The following PDE4B variants were observed in gnomAD, a reference collection of about 807,000 sequenced individuals.
PDE4B encodes phosphodiesterase 4B, also known as 3',5'-cyclic-AMP phosphodiesterase 4B.
In PDE4B, 20 loss-of-function variants were observed where a neutral mutation model predicts 82.2. That is an observed-to-expected ratio of 0.24 (90% confidence interval 0.17 to 0.35). The LOEUF (loss-of-function observed/expected upper bound fraction) is 0.35, where lower values mean the gene tolerates loss of function less well. Ranked by LOEUF, PDE4B falls within the 10% of genes least tolerant of loss-of-function variation. The pLI is 1.00. For synonymous variants in PDE4B, 320 were observed against 318.9 expected (o/e 1.00, Z -0.04); for missense variants, 655 against 907.2 (o/e 0.72, Z 3.57).
chr1:66,372,295 C>A lies in PDE4B; in HGVS notation c.1846-18C>A. ...AGCACCATCACAATAACAGATGTGT[C>A]ATCTTATTTTTCTCCAGGTTGGTTT... On this transcript the variant is annotated intron_variant, in intron 16 of 16. Coordinates refer to ENST00000341517, the MANE Select transcript of PDE4B (RefSeq NM_002600.4). The A allele has an allele frequency of 6.3e-7, 1 of 1,585,488 alleles. No homozygotes were observed. Among genetic ancestry groups the A allele is most frequent in the South Asian group, 1.1e-5 (1 of 87,944 alleles).
At chr1:65,886,938 A>G (rs1355462637) in intron 1 of PDE4B, among the ~76,000 whole-genome samples, 1 of 152,138 alleles carries the variant, frequency 6.6e-6, no homozygotes, top group Admixed American at 6.6e-5. Flanking sequence ...TTAGTTGAGA[A>G]ATCTTCATAC....
chr1:65,853,164 T>G (rs1037692377), intron 1 of PDE4B, among the ~76,000 whole-genome samples: 2 of 152,112 alleles, frequency 1.3e-5, no homozygotes, highest in Non-Finnish European at 2.9e-5. Context: ...CATTCCTTGT[T>G]TCGAAGTCTA....
chr1:65,872,304 A>G (rs1474916354), intron 1 of PDE4B, among the ~76,000 whole-genome samples: 1 of 152,172 alleles, frequency 6.6e-6, no homozygotes, highest in Non-Finnish European at 1.5e-5. Context: ...TTATTGAATA[A>G]TTGTTAATAA....
At chr1:66,154,951 G>A (rs1462424159) in intron 3 of PDE4B, among the ~76,000 whole-genome samples, 1 of 152,110 alleles carries the variant, frequency 6.6e-6, no homozygotes, top group African/African-American at 2.4e-5. Context: ...GCTGAGGCGC[G>A]AGGAATGCTT....
chr1:66,256,823 A>G (rs1395315182), intron 4 of PDE4B, among the ~76,000 whole-genome samples: 1 of 152,204 alleles, frequency 6.6e-6, no homozygotes, highest in African/African-American at 2.4e-5. Context: ...CTGTGCTGCT[A>G]TGATGATTCA....
intron 1 of PDE4B, among the ~76,000 whole-genome samples, chr1:65,822,400 T>C (rs760399254): frequency 6.6e-6 from 1 of 152,206 alleles, no homozygotes; most frequent in Non-Finnish European, 1.5e-5. Flanking sequence ...ATTTTCAACT[T>C]TGCAAAATGA....
At chr1:66,221,678 T>C (rs776473586) in intron 3 of PDE4B, among the ~76,000 whole-genome samples, 15 of 152,180 alleles carry the variant, frequency 9.9e-5, no homozygotes, top group Non-Finnish European at 1.9e-4. Flanking sequence ...TTTGCTTTCT[T>C]TCCTATTCTT....
chr1:66,117,680 C>A (rs899591928), intron 3 of PDE4B, among the ~76,000 whole-genome samples: 9 of 152,032 alleles, frequency 5.9e-5, no homozygotes, highest in African/African-American at 2.2e-4. Context: ...GAGGTAGTTT[C>A]TGGGATCCTG....
chr1:65,973,270 C>G (rs1449746786), intron 3 of PDE4B, among the ~76,000 whole-genome samples: 1 of 151,792 alleles, frequency 6.6e-6, no homozygotes, highest in Non-Finnish European at 1.5e-5. Context: ...AACTCAGTGA[C>G]TATGTTTATA....
intron 8 of PDE4B, chr1:66,354,396 C>G (rs757284187): frequency 1.1e-4 from 107 of 986,488 alleles, no homozygotes; most frequent in Admixed American, 1.8e-4. Context: ...TAATCTTCTC[C>G]TTTTTAAAAG....
chr1:66,303,307 T>C (rs1658029613), intron 7 of PDE4B, among the ~76,000 whole-genome samples: 2 of 151,406 alleles, frequency 1.3e-5, no homozygotes, highest in African/African-American at 4.9e-5. Flanking sequence ...AAATTATATA[T>C]ATTTATGGTG....
intron 1 of PDE4B, among the ~76,000 whole-genome samples, chr1:65,846,051 T>C (rs1172637592): frequency 6.6e-6 from 1 of 152,210 alleles, no homozygotes; most frequent in African/African-American, 2.4e-5. Context: ...AATCCCTGTG[T>C]TCACATATCT....
chr1:66,363,194 T>C lies in PDE4B; in HGVS notation c.1047T>C (p.Gly349=). The change falls in exon 11 of 17, where the codon GGT becomes GGC. Residue 349 remains glycine, a synonymous_variant. Transcript: ENST00000341517. The part of the protein sequence containing the change: ...AKELEDLNKW[G]LNIFNVAGYS... ...AGCTGGAAGACCTGAACAAATGGGG[T>C]CTTAACATCTTTAATGTGGCTGGAT... The C allele has an allele frequency of 6.2e-7, 1 of 1,612,220 alleles. No individual in the cohort carries two copies.
intron 15 of PDE4B, among the ~76,000 whole-genome samples, 163 bp from the exon 16 acceptor site, chr1:66,368,624 A>G (rs1383449522): frequency 6.6e-6 from 1 of 152,240 alleles, no homozygotes; most frequent in East Asian, 1.9e-4. Context: ...GACCCAGGCT[A>G]GCATCATTGT....
chr1:65,796,199 A>G (rs1258699076), intron 1 of PDE4B, among the ~76,000 whole-genome samples: 2 of 152,130 alleles, frequency 1.3e-5, no homozygotes, highest in East Asian at 1.9e-4. Context: ...TTTGGCATGA[A>G]TTTCTTTTGG....
intron 1 of PDE4B, among the ~76,000 whole-genome samples, chr1:65,804,072 T>A (rs1645726159): frequency 6.6e-6 from 1 of 152,198 alleles, no homozygotes; most frequent in African/African-American, 2.4e-5. Flanking sequence ...TTAAACTACA[T>A]CATTTTCCTC....
chr1:66,205,320 A>G (rs1164669351), intron 3 of PDE4B, among the ~76,000 whole-genome samples: 1 of 152,204 alleles, frequency 6.6e-6, no homozygotes, highest in Non-Finnish European at 1.5e-5. Context: ...CAAACTTTGT[A>G]ATAAATCTCC....
chr1:66,314,009 C>T (rs58158383), intron 7 of PDE4B, among the ~76,000 whole-genome samples: 2,733 of 152,216 alleles, frequency 0.018, 86 homozygotes, highest in African/African-American at 0.062. Flanking sequence ...CTCTTGTGTC[C>T]CACTCTAAGG....
chr1:66,223,005 T>C (rs897707456), intron 3 of PDE4B, among the ~76,000 whole-genome samples: 3 of 152,216 alleles, frequency 2.0e-5, no homozygotes, highest in Admixed American at 6.5e-5. Context: ...AATATGATAG[T>C]TCCTCATTAT....
Sources: gnomAD v4.1 joint callset for allele counts (sites outside exome capture counted in the v4.1 genomes callset) on GRCh38, gnomAD v4.1.1 for gene constraint, MANE v1.5 for transcripts, NCBI Gene and HGNC (gene_info 2026-07-23, HGNC 2026-07-21) for gene names.